Variants in GRIA4 observed in about 807,000 individuals in gnomAD.
GRIA4 encodes glutamate ionotropic receptor AMPA type subunit 4.
A neutral mutation model predicts 104.0 loss-of-function variants in GRIA4; 34 were observed. That is an observed-to-expected ratio of 0.33 (90% CI 0.25 to 0.44). GRIA4 has a LOEUF of 0.44. GRIA4 is among the 20% of genes least tolerant of loss of function. The pLI, the probability that GRIA4 is intolerant of heterozygous loss-of-function variation, is 1.00. For synonymous variants in GRIA4, 386 were observed against 381.9 expected, an observed-to-expected ratio of 1.01 and a Z score of -0.13; for missense variants, 750 against 1,096.5, an observed-to-expected ratio of 0.68 and a Z score of 4.46.
chr11:105,820,210 AT>A (rs1193744294), intron 4 of GRIA4, among the ~76,000 whole-genome samples: 1 of 152,098 alleles, frequency 6.6e-6, no homozygotes, highest in Non-Finnish European at 1.5e-5. Context: ...TTGTTTCCAC[AT>A]CCCTAGGAAA....
intron 4 of GRIA4, among the ~76,000 whole-genome samples, chr11:105,846,954 A>C (rs1944619750): frequency 6.6e-6 from 1 of 152,236 alleles, no homozygotes; most frequent in Non-Finnish European, 1.5e-5. Context: ...GTGCCATCCA[A>C]TAACCCATTA....
At chr11:105,803,897 G>C (rs1316755175) in intron 4 of GRIA4, among the ~76,000 whole-genome samples, 3 of 146,082 alleles carry the variant, frequency 2.1e-5, no homozygotes. Context: ...ATGATTACTA[G>C]TATCTTGGAG....
chr11:105,964,804 TGTTTGTTTG>T (rs1948823108), intron 14 of GRIA4, among the ~76,000 whole-genome samples: 6 of 149,362 alleles, frequency 4.0e-5, no homozygotes, highest in Admixed American at 1.3e-4. Flanking sequence ...GTTTTTTTTT[TGTTTGTTTG>T]TTTTTGTTTT....
At chr11:105,663,664 C>A (rs948035943) in intron 3 of GRIA4, among the ~76,000 whole-genome samples, 2 of 151,810 alleles carry the variant, frequency 1.3e-5, no homozygotes, top group African/African-American at 4.8e-5. Flanking sequence ...GGTATTCCAG[C>A]ATTAAGGAGC....
chr11:105,739,215 A>G (rs1040620021), intron 3 of GRIA4, among the ~76,000 whole-genome samples: 2 of 152,172 alleles, frequency 1.3e-5, no homozygotes, highest in African/African-American at 4.8e-5. Flanking sequence ...AGGCCTTGGA[A>G]GCAAAGTGAG....
intron 3 of GRIA4, among the ~76,000 whole-genome samples, chr11:105,646,010 C>T (rs966182048): frequency 1.3e-5 from 2 of 152,150 alleles, no homozygotes; most frequent in Non-Finnish European, 2.9e-5. Flanking sequence ...AATAAAAAAT[C>T]AGTATGGTCT....
At chr11:105,622,751 T>C (rs900003140) in intron 3 of GRIA4, among the ~76,000 whole-genome samples, 5 of 151,830 alleles carry the variant, frequency 3.3e-5, no homozygotes, top group African/African-American at 9.7e-5. Context: ...GATTGTGTAG[T>C]GATGAAGTCA....
At chr11:105,871,926 A>G (rs544975309) in intron 5 of GRIA4, among the ~76,000 whole-genome samples, 1 of 152,156 alleles carries the variant, frequency 6.6e-6, no homozygotes, top group Non-Finnish European at 1.5e-5. Context: ...AAGGGAAATA[A>G]GAAAATGATG....
At chr11:105,769,986 CT>C (rs1941138411) in intron 4 of GRIA4, among the ~76,000 whole-genome samples, 1 of 151,970 alleles carries the variant, frequency 6.6e-6, no homozygotes, top group Non-Finnish European at 1.5e-5. Flanking sequence ...ATTTCTACAC[CT>C]ACTGTATATT....
At chr11:105,822,132 T>A (rs1202656630) in intron 4 of GRIA4, among the ~76,000 whole-genome samples, 1 of 152,130 alleles carries the variant, frequency 6.6e-6, no homozygotes, top group Non-Finnish European at 1.5e-5. Flanking sequence ...TCCTGTAGCA[T>A]CTTTCTTCAG....
chr11:105,684,120 C>G (rs180825512), intron 3 of GRIA4, among the ~76,000 whole-genome samples: 1 of 152,032 alleles, frequency 6.6e-6, no homozygotes, highest in Non-Finnish European at 1.5e-5. Context: ...GTGATCCACC[C>G]GCCTCGGCCT....
chr11:105,855,502 T>C (rs1944978018), intron 4 of GRIA4, among the ~76,000 whole-genome samples: 3 of 152,084 alleles, frequency 2.0e-5, no homozygotes, highest in Admixed American at 2.0e-4. Flanking sequence ...AAATATATAG[T>C]AAAACAGATA....
rs1443880929 is a variant in GRIA4 at position 105,898,291 on chromosome 11, A to T, written c.749A>T (p.Glu250Val). 1.9e-6 allele frequency: 3 copies of T among 1,561,474 alleles called. No individual in the cohort carries two copies. The East Asian group carries it at 6.7e-5, about 35-fold the overall frequency. The change falls in exon 7 of 17, where the codon GAG becomes GTG. Residue 250 changes from glutamate (E) to valine (V), a missense_variant. Physicochemically the swap from Glu to Val is moderately radical, Grantham distance 121 (BLOSUM62 -2). Around this residue, in one of 3 missense-constraint regions of GRIA4, gnomAD observed 410 missense variants for 502.7 expected, o/e 0.82. Coordinates refer to ENST00000282499, the MANE Select transcript of GRIA4 (RefSeq NM_000829.4). ...TAGGGATTCAAGGATATTTCTCTTG[A>T]GAGGTTTATACATGGTGGAGCCAAT... ...ANLGFKDISL[E>V]RFIHGGANVT...
chr11:105,979,805 G>T lies in GRIA4; in HGVS notation c.*66G>T. On this transcript the variant is annotated 3_prime_UTR_variant, in exon 17 of 17. Transcript: ENST00000282499. ...TGACTGGTGGAAACGCAGCCCTGAG[G>T]GACACGCCACGCGCGGGTCTTTGCT... 7.9e-7 allele frequency: 1 copy of T among 1,258,090 alleles called. No individual in the cohort carries two copies. Among genetic ancestry groups the T allele is most frequent in the Non-Finnish European group, 1.1e-6 (1 of 875,178 alleles). 77.9% of individuals were successfully genotyped at this position (1,258,090 alleles called of 1,614,324 possible).
At chr11:105,797,831 C>T (rs1029984296) in intron 4 of GRIA4, 115 of 455,592 alleles carry the variant, frequency 2.5e-4, no homozygotes, top group African/African-American at 2.1e-3. Context: ...TCCATAACTG[C>T]TTGCCTTTTA....
intron 4 of GRIA4, among the ~76,000 whole-genome samples, chr11:105,800,014 C>A (rs1358965104): frequency 6.6e-6 from 1 of 151,930 alleles, no homozygotes; most frequent in Non-Finnish European, 1.5e-5. Context: ...AGGGTTTATG[C>A]GTGCATGATT....
chr11:105,852,814 C>T (rs1325375725), intron 4 of GRIA4, among the ~76,000 whole-genome samples: 1 of 125,140 alleles, frequency 8.0e-6, no homozygotes, highest in Admixed American at 9.9e-5. Context: ...TATGCAAATC[C>T]TTTCACCAGA....
At chr11:105,615,584 G>T (rs528506340) in intron 3 of GRIA4, among the ~76,000 whole-genome samples, 13 of 151,582 alleles carry the variant, frequency 8.6e-5, no homozygotes, top group Non-Finnish European at 1.9e-4. Context: ...TTTTTGTGAG[G>T]TATCCAAAAT....
chr11:105,771,391 T>C (rs1941202154), intron 4 of GRIA4, among the ~76,000 whole-genome samples: 1 of 152,070 alleles, frequency 6.6e-6, no homozygotes, highest in South Asian at 2.1e-4. Flanking sequence ...TCAACCCTTA[T>C]TACTCAACTC....
Sources: allele counts gnomAD v4.1 joint callset (sites outside exome capture counted in the v4.1 genomes callset), GRCh38; gene constraint gnomAD v4.1.1; regional missense constraint gnomAD v4.1.1; transcripts MANE v1.5; gene names NCBI Gene and HGNC (gene_info 2026-07-23, HGNC 2026-07-21).